Variants in ABTB3 observed in about 807,000 individuals in gnomAD.
The protein encoded by ABTB3 is ankyrin repeat and BTB domain containing 3.
At chr12:107,545,740 A>G in the ABTB3 span, among the ~76,000 whole-genome samples, 1 of 152,238 alleles carries the variant, frequency 6.6e-6, no homozygotes, top group African/African-American at 2.4e-5. Context: ...TGGCCAAAAA[A>G]TAATCTTTCA....
the ABTB3 span, among the ~76,000 whole-genome samples, chr12:107,488,395 A>G: frequency 7.5e-3 from 1,147 of 152,254 alleles, 30 homozygotes; most frequent in East Asian, 0.049. Flanking sequence ...AAGAAAAAAA[A>G]GTGTGCCCAG....
At chr12:107,350,725 C>T in the ABTB3 span, among the ~76,000 whole-genome samples, 1 of 152,088 alleles carries the variant, frequency 6.6e-6, no homozygotes, top group Admixed American at 6.6e-5. Flanking sequence ...AGATTGGGGA[C>T]ATTTTTAAAA....
At chr12:107,454,233 G>A in the ABTB3 span, among the ~76,000 whole-genome samples, 4 of 152,224 alleles carry the variant, frequency 2.6e-5, no homozygotes, top group Non-Finnish European at 4.4e-5. Context: ...AGATCCACAC[G>A]TGAATAGGCC....
At chr12:107,439,509 G>A in the ABTB3 span, among the ~76,000 whole-genome samples, 1 of 152,046 alleles carries the variant, frequency 6.6e-6, no homozygotes, top group African/African-American at 2.4e-5. Flanking sequence ...AGTGTATCTT[G>A]GGAACCACAC....
the ABTB3 span, among the ~76,000 whole-genome samples, chr12:107,335,978 G>A: frequency 6.6e-6 from 1 of 152,262 alleles, no homozygotes; most frequent in Non-Finnish European, 1.5e-5. Context: ...CTCCTGCCCC[G>A]ACAATTGTTT....
chr12:107,410,703 A>G, the ABTB3 span, among the ~76,000 whole-genome samples: 1 of 152,186 alleles, frequency 6.6e-6, no homozygotes, highest in Admixed American at 6.5e-5. Flanking sequence ...AGAAGGGACA[A>G]GGGTTACTGA....
the ABTB3 span, among the ~76,000 whole-genome samples, chr12:107,450,257 G>C: frequency 6.6e-6 from 1 of 152,022 alleles, no homozygotes; most frequent in African/African-American, 2.4e-5. Flanking sequence ...CTATGCCTCT[G>C]GGTTGATATT....
chr12:107,586,684 C>T, the ABTB3 span, among the ~76,000 whole-genome samples: 29 of 152,302 alleles, frequency 1.9e-4, no homozygotes, highest in African/African-American at 7.0e-4. Context: ...CCTCACTTAA[C>T]AGAGGAGTCA....
At chr12:107,478,164 A>G in the ABTB3 span, among the ~76,000 whole-genome samples, 35 of 152,118 alleles carry the variant, frequency 2.3e-4, no homozygotes, top group Admixed American at 5.9e-4. Flanking sequence ...CAGATCTGCC[A>G]CTCCTACAAT....
chr12:107,645,401 C>G, the ABTB3 span, among the ~76,000 whole-genome samples: 1 of 152,196 alleles, frequency 6.6e-6, no homozygotes, highest in African/African-American at 2.4e-5. Context: ...CCCCACCTTA[C>G]AGACAAGGGC....
the ABTB3 span, among the ~76,000 whole-genome samples, chr12:107,500,413 T>C: frequency 6.6e-6 from 1 of 152,198 alleles, no homozygotes; most frequent in Non-Finnish European, 1.5e-5. Context: ...GCAACCAAGA[T>C]AGGCTGCTGC....
chr12:107,619,852 C>T, the ABTB3 span: 2 of 782,804 alleles, frequency 2.6e-6, no homozygotes, highest in Non-Finnish European at 3.9e-6. Flanking sequence ...ATCCCTTGGT[C>T]TCGTCATTTA....
chr12:107,441,218 C>T, the ABTB3 span, among the ~76,000 whole-genome samples: 825 of 152,248 alleles, frequency 5.4e-3, 7 homozygotes, highest in African/African-American at 0.019. Context: ...CCCAAATGCC[C>T]ATCAATGATA....
At chr12:107,413,129 C>T in the ABTB3 span, among the ~76,000 whole-genome samples, 3 of 151,860 alleles carry the variant, frequency 2.0e-5, no homozygotes, top group Non-Finnish European at 4.4e-5. Flanking sequence ...AAAAAATTAG[C>T]CGGGCGTGGT....
the ABTB3 span, among the ~76,000 whole-genome samples, chr12:107,652,334 C>T: frequency 6.6e-6 from 1 of 152,212 alleles, no homozygotes; most frequent in Non-Finnish European, 1.5e-5. Context: ...AACCGCCCTT[C>T]CAGAATTGTT....
At chr12:107,468,786 T>C in the ABTB3 span, among the ~76,000 whole-genome samples, 1 of 152,092 alleles carries the variant, frequency 6.6e-6, no homozygotes, top group Non-Finnish European at 1.5e-5. Context: ...TCGAGTGCTA[T>C]GAAAAAAATG....
chr12:107,554,009 A>G, the ABTB3 span, among the ~76,000 whole-genome samples: 29 of 152,294 alleles, frequency 1.9e-4, no homozygotes, highest in Admixed American at 7.2e-4. Context: ...AGAGACCAGA[A>G]CTGTGTCTGA....
the ABTB3 span, among the ~76,000 whole-genome samples, chr12:107,575,976 A>T: frequency 6.6e-6 from 1 of 152,108 alleles, no homozygotes; most frequent in Non-Finnish European, 1.5e-5. Context: ...ATCTTGTTCA[A>T]GCTCCCACTG....
chr12:107,598,555 A>T, the ABTB3 span, among the ~76,000 whole-genome samples: 1 of 152,210 alleles, frequency 6.6e-6, no homozygotes, highest in Non-Finnish European at 1.5e-5. Flanking sequence ...GTTAAAATTC[A>T]TTGTCACACA....
Sources: allele counts gnomAD v4.1 joint callset (sites outside exome capture counted in the v4.1 genomes callset), GRCh38; gene constraint gnomAD v4.1.1; transcripts MANE v1.5; gene names NCBI Gene and HGNC (gene_info 2026-07-23, HGNC 2026-07-21).